INPP4B: variants seen among roughly 807,000 people sequenced by gnomAD.
The protein encoded by INPP4B is inositol polyphosphate-4-phosphatase type II B.
A neutral mutation model predicts 122.5 loss-of-function variants in INPP4B; 55 were observed. That is an observed-to-expected ratio of 0.45 (90% CI 0.36 to 0.56). INPP4B has a LOEUF of 0.56. Among genes scored for constraint, INPP4B ranks in the 20% least tolerant of loss-of-function variants. The pLI is 0.00. For missense variants in INPP4B, 1,000 were observed against 1,097.7 expected, an observed-to-expected ratio of 0.91 and a Z score of 1.26; for synonymous variants, 403 against 388.7, an observed-to-expected ratio of 1.04 and a Z score of -0.43.
intron 12 of INPP4B, among the ~76,000 whole-genome samples, chr4:142,222,050 C>T (rs185512863): frequency 3.9e-5 from 6 of 152,336 alleles, no homozygotes; most frequent in Non-Finnish European, 1.5e-5. Context: ...ACTTCTGCCT[C>T]CTGGGCTCAA....
At position 142,405,321 on chromosome 4, in the gene INPP4B, C is replaced by A. The variant is rs1220704216; in HGVS notation, c.140G>T (p.Cys47Phe). 6.3e-7 allele frequency: 1 copy of A among 1,588,718 alleles called. No individual in the cohort carries two copies. Among genetic ancestry groups the A allele is most frequent in the South Asian group, 1.1e-5 (1 of 90,586 alleles). The change falls in exon 6 of 26, where the codon TGC becomes TTC. Residue 47 changes from cysteine (C) to phenylalanine (F), a missense_variant. By Grantham distance (205) the Cys-to-Phe change is radical. Coordinates refer to ENST00000262992, the MANE Select transcript of INPP4B (RefSeq NM_001101669.3). Reference protein sequence around the residue: ...NEPQLEFILACKDLVAPVRDR... With the variant: ...NEPQLEFILAFKDLVAPVRDR... ...ACGGACAGGAGCCACGAGATCCTTGCATGCTGGCAACGGCAGAGGAGACAG... is the reference window on the plus strand; with the variant it reads ...ACGGACAGGAGCCACGAGATCCTTGAATGCTGGCAACGGCAGAGGAGACAG...
chr4:142,070,461 A>G (rs1051736728), intron 25 of INPP4B, among the ~76,000 whole-genome samples: 1 of 152,142 alleles, frequency 6.6e-6, no homozygotes, highest in African/African-American at 2.4e-5. Flanking sequence ...ATTCCTCTTC[A>G]ATATAGTGTT....
At chr4:142,414,452 C>G (rs1805259125) in intron 5 of INPP4B, among the ~76,000 whole-genome samples, 1 of 152,278 alleles carries the variant, frequency 6.6e-6, no homozygotes, top group African/African-American at 2.4e-5. Context: ...CTGCCTGGAA[C>G]AATGGTGCTC....
chr4:142,253,953 C>A (rs1256470678), intron 11 of INPP4B, among the ~76,000 whole-genome samples: 1 of 152,196 alleles, frequency 6.6e-6, no homozygotes, highest in African/African-American at 2.4e-5. Flanking sequence ...TTAAATGTCC[C>A]TGTCTGACAG....
intron 2 of INPP4B, among the ~76,000 whole-genome samples, chr4:142,647,519 G>T (rs940697878): frequency 3.3e-5 from 5 of 152,296 alleles, no homozygotes; most frequent in South Asian, 2.1e-4. Context: ...CACCACAATG[G>T]TGCCTAACGC....
At chr4:142,135,164 C>T (rs1286957464) in intron 18 of INPP4B, among the ~76,000 whole-genome samples, 6 of 152,138 alleles carry the variant, frequency 3.9e-5, no homozygotes, top group Non-Finnish European at 8.8e-5. Context: ...TATGACTAGG[C>T]CTTCATTCCA....
In INPP4B at chr4:142,584,779, T is replaced by A. The variant is rs1372810745; in HGVS notation, c.-190-122053A>T. Among the ~76,000 whole-genome samples the A allele has an allele frequency of 2.6e-5, 4 of 152,124 alleles. No homozygotes were observed. In the South Asian group the frequency reaches 8.3e-4, roughly 32 times the overall value. ...TTTGGGGAAAAAAAAAGTCAGTAAGTGCAGACCATATTTAAGAGTGGGAGT... is the reference window on the plus strand; with the variant it reads ...TTTGGGGAAAAAAAAAGTCAGTAAGAGCAGACCATATTTAAGAGTGGGAGT... On this transcript the variant is annotated intron_variant, in intron 2 of 25. Transcript: ENST00000262992.
chr4:142,386,069 ATCT>A (rs1030502703), intron 7 of INPP4B, among the ~76,000 whole-genome samples: 25 of 152,228 alleles, frequency 1.6e-4, no homozygotes, highest in African/African-American at 5.1e-4. Context: ...GAAAAACACT[ATCT>A]TCTTCTCTAT....
intron 7 of INPP4B, among the ~76,000 whole-genome samples, chr4:142,360,836 C>T (rs769973322): frequency 3.4e-4 from 52 of 151,958 alleles, no homozygotes; most frequent in African/African-American, 7.0e-4. Flanking sequence ...AATTGTCATA[C>T]GAATACAGAA....
At chr4:142,350,683 ACTGTTATTTTC>A (rs1781683612) in intron 7 of INPP4B, among the ~76,000 whole-genome samples, 1 of 152,088 alleles carries the variant, frequency 6.6e-6, no homozygotes, top group Admixed American at 6.6e-5. Flanking sequence ...TGTCTAAGCC[ACTGTTATTTTC>A]CAAGATTTAA....
At chr4:142,507,335 A>G (rs1427741902) in intron 2 of INPP4B, among the ~76,000 whole-genome samples, 1 of 152,156 alleles carries the variant, frequency 6.6e-6, no homozygotes, top group Non-Finnish European at 1.5e-5. Flanking sequence ...GAAATCAGTC[A>G]GAGACTCCAG....
intron 2 of INPP4B, among the ~76,000 whole-genome samples, chr4:142,592,678 A>C (rs1737764337): frequency 6.6e-6 from 1 of 152,128 alleles, no homozygotes; most frequent in Non-Finnish European, 1.5e-5. Flanking sequence ...GGCAGTCATC[A>C]TTTTTTTCTT....
intron 2 of INPP4B, among the ~76,000 whole-genome samples, chr4:142,495,973 A>C (rs920947261): frequency 1.3e-5 from 2 of 152,056 alleles, no homozygotes; most frequent in Middle Eastern, 3.2e-3. Context: ...GCAACTTCTG[A>C]AATGTTTTCG....
At chr4:142,491,081 CAG>C (rs1230632041) in intron 2 of INPP4B, among the ~76,000 whole-genome samples, 2 of 152,234 alleles carry the variant, frequency 1.3e-5, no homozygotes, top group East Asian at 3.9e-4. Flanking sequence ...GATATATACT[CAG>C]AAGTGAATTT....
chr4:142,552,344 A>C (rs765118803), intron 2 of INPP4B, among the ~76,000 whole-genome samples: 27 of 152,142 alleles, frequency 1.8e-4, no homozygotes, highest in Non-Finnish European at 3.5e-4. Flanking sequence ...GAGGCTGCTA[A>C]TCTGGGATCC....
chr4:142,431,310 A>G lies in INPP4B; in HGVS notation c.-51T>C, dbSNP rs375793501. 12 of 1,292,636 alleles carry G rather than the reference A, an allele frequency of 9.3e-6. No homozygotes were observed. Among genetic ancestry groups the G allele is most frequent in the Admixed American group, 3.4e-5 (2 of 58,592 alleles). 80.1% of individuals were successfully genotyped at this position (1,292,636 alleles called of 1,614,324 possible). ...TTCCAAATTTTCTTGTCCAAATGTC[A>G]GTTCTAGTGATTCCTGGTTTAATGT... On this transcript the variant is annotated 5_prime_UTR_variant, in exon 4 of 26. Coordinates refer to ENST00000262992, the MANE Select transcript of INPP4B (RefSeq NM_001101669.3).
At chr4:142,782,993 C>T (rs916522787) in intron 1 of INPP4B, among the ~76,000 whole-genome samples, 4 of 151,940 alleles carry the variant, frequency 2.6e-5, no homozygotes, top group African/African-American at 7.3e-5. Context: ...CCCTTCCTTA[C>T]ACCTTATACA....
intron 2 of INPP4B, among the ~76,000 whole-genome samples, chr4:142,644,171 C>A (rs889896481): frequency 1.6e-4 from 24 of 149,398 alleles, no homozygotes; most frequent in African/African-American, 5.9e-4. Flanking sequence ...TGCACTCCAG[C>A]AGCATAGGTG....
intron 11 of INPP4B, among the ~76,000 whole-genome samples, chr4:142,240,959 T>C (rs547455638): frequency 4.0e-4 from 61 of 152,224 alleles, no homozygotes; most frequent in African/African-American, 1.4e-3. Context: ...GTATCGAATA[T>C]TGAACAATGT....
Sources: gnomAD v4.1 joint callset for allele counts (sites outside exome capture counted in the v4.1 genomes callset) on GRCh38, gnomAD v4.1.1 for gene constraint, MANE v1.5 for transcripts, NCBI Gene and HGNC (gene_info 2026-07-23, HGNC 2026-07-21) for gene names.